Variants in LIMK2 observed in about 807,000 individuals in gnomAD.
The protein encoded by LIMK2 is LIM domain kinase 2.
A neutral mutation model predicts 75.7 loss-of-function variants in LIMK2; 35 were observed. The observed-to-expected ratio is 0.46, with a 90% CI of 0.35 to 0.61. LIMK2 has a LOEUF of 0.61. LIMK2 is among the 20% of genes least tolerant of loss of function. LIMK2 has a pLI of 0.00. For missense variants in LIMK2, 623 were observed against 831.0 expected (o/e 0.75, Z 3.08); for synonymous variants, 301 against 319.2 (o/e 0.94, Z 0.61).
chr22:31,268,110 C>T (rs1178112361), intron 10 of LIMK2, 34 bp from the exon 11 acceptor site: 14 of 1,609,662 alleles, frequency 8.7e-6, no homozygotes, highest in Non-Finnish European at 1.2e-5. Context: ...GGACAGGGCT[C>T]AACAGCCTCT....
chr22:31,268,377 A>G (rs955610312), intron 11 of LIMK2, among the ~76,000 whole-genome samples, 177 bp downstream of exon 11: 2 of 152,224 alleles, frequency 1.3e-5, no homozygotes, highest in African/African-American at 4.8e-5. Context: ...TTCTCAGTTC[A>G]CAGCCCTGTT....
rs1042234818 is a variant in LIMK2, at chr22:31,248,355, G to C, written c.117-9936G>C. Reference sequence around the variant, plus strand: ...TTCAGGGGTGGGACTGAAGAAGAAGGCTAACTTGACAGCAGCGCTTCTTTC... The same window carrying C: ...TTCAGGGGTGGGACTGAAGAAGAAGCCTAACTTGACAGCAGCGCTTCTTTC... On this transcript the variant is annotated intron_variant, in intron 2 of 15. Transcript: ENST00000331728. 8.7e-6 allele frequency: 11 copies of C among 1,257,428 alleles called. No homozygotes were observed. The Admixed American group carries it at 1.1e-4, about 13-fold the overall frequency. 77.9% of individuals were successfully genotyped at this position (1,257,428 alleles called of 1,614,324 possible). A position where few individuals can be genotyped will look rare whatever the true frequency, so the allele number is the denominator to read the frequency against.
chr22:31,278,348 G>A lies in LIMK2; in HGVS notation c.1824G>A (p.Leu608=). Residue 608 remains leucine, a synonymous_variant, in exon 16 of 16, where the codon CTG becomes CTA. Transcript: ENST00000331728. ...CCTTTGAGGCCCTCTCCCTGTACCT[G>A]GGGGAGCTGGGCATCCCGCTGCCTG... ...EDSFEALSLY[L]GELGIPLPAE... is the part of the protein sequence containing the mutation. 3 of 1,613,672 alleles carry A rather than the reference G, an allele frequency of 1.9e-6. No homozygotes were observed. The highest frequency in any genetic ancestry group is 2.5e-6 in the Non-Finnish European group (3 of 1,179,776).
chr22:31,263,859 C>T (rs2048865568), intron 7 of LIMK2, among the ~76,000 whole-genome samples: 1 of 152,082 alleles, frequency 6.6e-6, no homozygotes, highest in African/African-American at 2.4e-5. Flanking sequence ...GGCATGGTGG[C>T]ACATGCCTGT....
At chr22:31,242,617 G>A (rs1052358248) in intron 2 of LIMK2, among the ~76,000 whole-genome samples, 4 of 152,128 alleles carry the variant, frequency 2.6e-5, no homozygotes, top group African/African-American at 9.7e-5. Context: ...TATGTCTTGG[G>A]CTTCCAATTC....
intron 2 of LIMK2, among the ~76,000 whole-genome samples, chr22:31,255,730 CT>C (rs2048771662): frequency 6.6e-6 from 1 of 152,172 alleles, no homozygotes; most frequent in African/African-American, 2.4e-5. Context: ...TCTTTTATAT[CT>C]GCAGTGCTTA....
chr22:31,267,463 C>T (rs1007499704), intron 9 of LIMK2, among the ~76,000 whole-genome samples: 1 of 152,186 alleles, frequency 6.6e-6, no homozygotes, highest in Non-Finnish European at 1.5e-5. Flanking sequence ...ACAGTTTTCA[C>T]TACCCCTCCC....
At position 31,271,221 on chromosome 22, in the gene LIMK2, G is replaced by A. The variant is rs2048953485; in HGVS notation, c.1383+20G>A. 1 of 1,610,344 alleles carries A rather than the reference G, an allele frequency of 6.2e-7. No individual in the cohort carries two copies. The highest frequency in any genetic ancestry group is 2.2e-5 in the East Asian group (1 of 44,862). On this transcript the variant is annotated intron_variant, in intron 12 of 15. Transcript: ENST00000331728. ...AAGTTGGTATGTCCCACTGCTCTGGGCCTGGCCTCCAGGGTCCTATCCTTC... is the reference window on the plus strand; with the variant it reads ...AAGTTGGTATGTCCCACTGCTCTGGACCTGGCCTCCAGGGTCCTATCCTTC...
intron 2 of LIMK2, among the ~76,000 whole-genome samples, chr22:31,243,615 G>A (rs997142145): frequency 1.3e-5 from 2 of 152,160 alleles, no homozygotes; most frequent in Non-Finnish European, 2.9e-5. Context: ...TCAGCTCCGT[G>A]CCAGGTTTCC....
At chr22:31,228,741 GACC>G (rs1269740570) in intron 2 of LIMK2, among the ~76,000 whole-genome samples, 1 of 152,098 alleles carries the variant, frequency 6.6e-6, no homozygotes, top group Non-Finnish European at 1.5e-5. Context: ...AGGAGTTTGA[GACC>G]AGCCTGGCCA....
chr22:31,267,996 G>A (rs2048913989), intron 10 of LIMK2, 89 bp downstream of exon 10: 25 of 1,555,712 alleles, frequency 1.6e-5, no homozygotes, highest in Non-Finnish European at 2.2e-5. Context: ...AAGGGCAGAG[G>A]GGCCCTGCTT....
chr22:31,225,856 T>A (rs745789244), intron 2 of LIMK2, 37 bp downstream of exon 2: 1 of 1,420,320 alleles, frequency 7.0e-7, no homozygotes, highest in South Asian at 1.2e-5. Flanking sequence ...ACCAGTGTAC[T>A]ATGGGCCAAG....
intron 15 of LIMK2, chr22:31,277,010 G>A: frequency 6.2e-7 from 1 of 1,613,984 alleles, no homozygotes; most frequent in Non-Finnish European, 8.5e-7. Context: ...GACATGGAGA[G>A]TGACGATGCC....
intron 2 of LIMK2, among the ~76,000 whole-genome samples, chr22:31,227,039 T>C (rs1431227515): frequency 6.6e-6 from 1 of 152,228 alleles, no homozygotes; most frequent in Admixed American, 6.5e-5. Flanking sequence ...CTTGTTGAGA[T>C]TGAATGAAAT....
intron 1 of LIMK2, among the ~76,000 whole-genome samples, chr22:31,217,571 A>G (rs1325510076): frequency 6.6e-6 from 1 of 152,240 alleles, no homozygotes; most frequent in Admixed American, 6.5e-5. Flanking sequence ...ATACTTGCGT[A>G]GTGCTTAGGA....
intron 2 of LIMK2, among the ~76,000 whole-genome samples, chr22:31,237,932 C>T (rs2048592910): frequency 7.2e-6 from 1 of 138,038 alleles, no homozygotes. Context: ...TGGTGAAACC[C>T]TGTCTCTGCT....
In LIMK2 at chr22:31,262,059, T is replaced by C; in HGVS notation, c.552-75T>C. On this transcript the variant is annotated intron_variant, in intron 5 of 15. Transcript: ENST00000331728. The surrounding 1 kb of genome is among the most constrained non-coding windows in gnomAD (Gnocchi z 5.0). ...CTGGTGGCCTGGGACCTGGTAAACC[T>C]TCCCTGCACAAGCAGAATTGGTCAA... 8.0e-7 allele frequency: 1 copy of C among 1,246,224 alleles called. No individual in the cohort carries two copies. The highest frequency in any genetic ancestry group is 1.2e-6 in the Non-Finnish European group (1 of 847,586). The allele number at this position is 1,246,224 out of a possible 1,614,324, so 77.2% of individuals were successfully genotyped here. A position where few individuals can be genotyped will look rare whatever the true frequency, so the allele number is the denominator to read the frequency against.
intron 1 of LIMK2, chr22:31,222,662 T>C (rs2048445543): frequency 6.6e-6 from 1 of 152,028 alleles, no homozygotes; most frequent in East Asian, 1.9e-4. Context: ...CATGTGGCTG[T>C]GAAGGGGAGA....
intron 2 of LIMK2, among the ~76,000 whole-genome samples, chr22:31,227,705 T>C (rs933492221): frequency 5.3e-5 from 8 of 152,242 alleles, no homozygotes; most frequent in African/African-American, 1.9e-4. Flanking sequence ...AGTTCACAGA[T>C]TGGGTCTCGC....
Sources: gnomAD v4.1 joint callset for allele counts (sites outside exome capture counted in the v4.1 genomes callset) on GRCh38, gnomAD v4.1.1 for gene constraint, Gnocchi (gnomAD v3.1) non-coding constraint, MANE v1.5 for transcripts, NCBI Gene and HGNC (gene_info 2026-07-23, HGNC 2026-07-21) for gene names.